Variants in NDUFS7 observed in about 807,000 individuals in gnomAD.
The protein encoded by NDUFS7 is NADH dehydrogenase [ubiquinone] iron-sulfur protein 7, mitochondrial.
A neutral mutation model predicts 31.1 loss-of-function variants in NDUFS7; 11 were observed. The ratio of observed to expected loss-of-function variants is 0.35; its 90% CI spans 0.22 to 0.59. The LOEUF (loss-of-function observed/expected upper bound fraction) is 0.59, where lower values mean the gene tolerates loss of function less well. NDUFS7 is among the 20% of genes least tolerant of loss of function. NDUFS7 has a pLI of 0.79. For missense variants in NDUFS7, 263 were observed against 324.2 expected, an observed-to-expected ratio of 0.81 and a Z score of 1.45; for synonymous variants, 136 against 127.9, an observed-to-expected ratio of 1.06 and a Z score of -0.43.
rs956207076 is a variant in NDUFS7 at position 1,389,151 on chromosome 19, T to TTG, written c.228+213_228+214insTG. 4.3e-6 allele frequency: 3 copies of TTG among 701,406 alleles called. No individual in the cohort carries two copies. In the African/African-American group the frequency reaches 5.3e-5, roughly 12 times the overall value. The allele number at this position is 701,406 out of a possible 1,614,324, so 43.4% of individuals were successfully genotyped here. A position where few individuals can be genotyped will look rare whatever the true frequency, so the allele number is the denominator to read the frequency against. On this transcript the variant is annotated intron_variant, in intron 4 of 7. Coordinates refer to ENST00000233627, the MANE Select transcript of NDUFS7 (RefSeq NM_024407.5). ...ACGCACACAATGCACATATGCACAC[T>TTG]CGCACACATGCACACTTGCACACAC...
At chr19:1,388,673 G>A (rs1490882768) in intron 3 of NDUFS7, 80 bp downstream of exon 3, 1 of 1,496,036 alleles carries the variant, frequency 6.7e-7, no homozygotes, top group Non-Finnish European at 9.2e-7. Context: ...CAGTGCCGCA[G>A]CCACTGAGGT....
In NDUFS7 at chr19:1,387,832, G is replaced by A. The variant is rs373814004; in HGVS notation, c.38G>A (p.Arg13Gln). The A allele has an allele frequency of 2.4e-5, 39 of 1,609,966 alleles. No individual in the cohort carries two copies. Among genetic ancestry groups the A allele is most frequent in the East Asian group, 2.2e-4 (10 of 44,794 alleles). The change falls in exon 2 of 8, where the codon CGG becomes CAG. Residue 13 changes from arginine (R) to glutamine (Q), a missense_variant. Arg to Gln is a conservative substitution (Grantham distance 43). Coordinates refer to ENST00000233627, the MANE Select transcript of NDUFS7 (RefSeq NM_024407.5). ...VLSAPGLRGF[R>Q]ILGLRSSVGP... ...GCAGCTCCTGGCCTGCGCGGCTTCC[G>A]GATCCTTGGTCTGCGGTGAGTGCCT... is the stretch of plus-strand genomic sequence containing the variant.
chr19:1,392,923 A>AC, intron 6 of NDUFS7: 4 of 434,822 alleles, frequency 9.2e-6, no homozygotes, highest in Non-Finnish European at 1.7e-5. Flanking sequence ...GGGTGTTGGC[A>AC]CTGTGGCTGT....
At chr19:1,389,205 GCTTGCACACATA>G (rs1319086033) in intron 4 of NDUFS7, 1 of 682,756 alleles carries the variant, frequency 1.5e-6, no homozygotes, top group Non-Finnish European at 2.7e-6. Context: ...GTGCACACAC[GCTTGCACACATA>G]CACACATGCA....
rs541879727 is a variant in NDUFS7, at chr19:1,393,722, C to A, written c.544+392C>A. 75 of 533,760 alleles carry A rather than the reference C, an allele frequency of 1.4e-4. No individual in the cohort carries two copies. Among genetic ancestry groups the A allele is most frequent in the Non-Finnish European group, 2.5e-4 (74 of 297,756 alleles). 33.1% of individuals were successfully genotyped at this position (533,760 alleles called of 1,614,324 possible). On this transcript the variant is annotated intron_variant, in intron 7 of 7. Transcript: ENST00000233627. The surrounding 1 kb of genome is among the most constrained non-coding windows in gnomAD (Gnocchi z 7.3). ...AAGGGCACGCAGGACTCCCTGGGACCCGGGGTGGCCGGATTTGGCAAATGA... is the reference window on the plus strand; with the variant it reads ...AAGGGCACGCAGGACTCCCTGGGACACGGGGTGGCCGGATTTGGCAAATGA...
In NDUFS7 at chr19:1,388,833, C is replaced by T. The variant is rs1377631808; in HGVS notation, c.123C>T (p.Ser41=). Residue 41 remains serine, a splice_region_variant and synonymous_variant, in exon 4 of 8, where the codon AGC becomes AGT. Transcript: ENST00000233627. ...CTGTGCCCGTGTGTCTCTGTGCCAG[C>T]ACCCAGCCTGCCCTGCCAAAGGCCA... ...HQSVATDGPS[S]TQPALPKARA... The T allele has an allele frequency of 1.3e-6, 2 of 1,591,040 alleles. No homozygotes were observed. The highest frequency in any genetic ancestry group is 2.7e-5 in the African/African-American group (2 of 74,594).
rs780609915 is a variant in NDUFS7 at position 1,393,679 on chromosome 19, G to A, written c.544+349G>A. On this transcript the variant is annotated intron_variant, in intron 7 of 7. Coordinates refer to ENST00000233627, the MANE Select transcript of NDUFS7 (RefSeq NM_024407.5). The surrounding 1 kb of genome is among the most constrained non-coding windows in gnomAD (Gnocchi z 7.3). ...TCCTGGGGGCCAAGGACACTGTCCC[G>A]CGCCCTCAGCCTTACAGAAGGGCAC... 130 of 583,972 alleles carry A rather than the reference G, an allele frequency of 2.2e-4. No homozygotes were observed. Among genetic ancestry groups the A allele is most frequent in the Non-Finnish European group, 3.7e-4 (122 of 326,300 alleles). The allele number at this position is 583,972 out of a possible 1,614,324, so 36.2% of individuals were successfully genotyped here.
At chr19:1,390,698 G>A (rs866916557) in intron 4 of NDUFS7, 173 bp from the exon 5 acceptor site, 10 of 646,650 alleles carry the variant, frequency 1.5e-5, no homozygotes, top group South Asian at 5.5e-5. Context: ...GGTGGGGCGC[G>A]CTTTACAACT....
intron 4 of NDUFS7, 126 bp downstream of exon 4, chr19:1,389,064 CGCACATGTGCATGCAAGCTCACATGT>C: frequency 1.2e-6 from 1 of 836,546 alleles, no homozygotes; most frequent in Non-Finnish European, 2.0e-6. Flanking sequence ...CACTCACATG[CGCACATGTGCATGCAAGCTCACATGT>C]ATGGACAGAT....
intron 7 of NDUFS7, chr19:1,394,256 C>CG: frequency 3.8e-6 from 3 of 795,704 alleles, no homozygotes; most frequent in Non-Finnish European, 5.4e-6. Context: ...CAGGTCACCC[C>CG]GGGGGCAGTG....
At chr19:1,394,803 C>A in intron 7 of NDUFS7, 1 of 1,174,244 alleles carries the variant, frequency 8.5e-7, no homozygotes, top group East Asian at 6.3e-5. Flanking sequence ...TCCTTTCTCA[C>A]CTGTTTCCAC....
Position 1,393,667 on chromosome 19 carries a change from G to T in NDUFS7, c.544+337G>T. ...AAGCGAGAAGGTTCCTGGGGGCCAA[G>T]GACACTGTCCCGCGCCCTCAGCCTT... On this transcript the variant is annotated intron_variant, in intron 7 of 7. Transcript: ENST00000233627. The surrounding 1 kb of genome is among the most constrained non-coding windows in gnomAD (Gnocchi z 7.3). 1.7e-6 allele frequency: 1 copy of T among 592,384 alleles called. No individual in the cohort carries two copies. Among genetic ancestry groups the T allele is most frequent in the East Asian group, 2.8e-5 (1 of 35,768 alleles). 36.7% of individuals were successfully genotyped at this position (592,384 alleles called of 1,614,324 possible).
At position 1,395,417 on chromosome 19, in the gene NDUFS7, C is replaced by T. The variant is rs199666172; in HGVS notation, c.571C>T (p.Leu191Phe). 5.0e-6 allele frequency: 8 copies of T among 1,602,762 alleles called. No homozygotes were observed. Among genetic ancestry groups the T allele is most frequent in the Non-Finnish European group, 6.0e-6 (7 of 1,176,390 alleles). Residue 191 changes from leucine to phenylalanine, a missense_variant, in exon 8 of 8, where the codon CTC becomes TTC. Leu to Phe is a conservative substitution (Grantham distance 22, BLOSUM62 0). Transcript: ENST00000233627. ...CTGCCCACCTACGGCCGAGGCCCTG[C>T]TCTACGGCATCCTGCAGCTGCAGAG... ...PGCPPTAEAL[L>F]YGILQLQRKI...
intron 4 of NDUFS7, chr19:1,389,276 C>G (rs1310259709): frequency 8.3e-6 from 5 of 605,950 alleles, no homozygotes; most frequent in African/African-American, 7.2e-5. Flanking sequence ...TGCACACGCA[C>G]ACTCGCACAC....
chr19:1,394,160 G>A, intron 7 of NDUFS7: 4 of 355,366 alleles, frequency 1.1e-5, no homozygotes, highest in Non-Finnish European at 2.2e-5. Flanking sequence ...ACATCCTGGT[G>A]CCTCTCAAAA....
At chr19:1,390,756 T>G (rs1363331608) in intron 4 of NDUFS7, 115 bp from the exon 5 acceptor site, 6 of 1,260,352 alleles carry the variant, frequency 4.8e-6, no homozygotes, top group Non-Finnish European at 6.7e-6. Flanking sequence ...CTCTCACCTC[T>G]GCCGGCTGCC....
At chr19:1,385,305 C>T (rs1205068848) in intron 1 of NDUFS7, among the ~76,000 whole-genome samples, 2 of 148,096 alleles carry the variant, frequency 1.4e-5, no homozygotes, top group East Asian at 2.0e-4. Context: ...ACCTGAGGTC[C>T]GGAGTTCGAG....
In NDUFS7 at chr19:1,387,794, C is replaced by A. The variant is rs763056833; in HGVS notation, c.17-17C>A. On this transcript the variant is annotated splice_polypyrimidine_tract_variant and intron_variant, in intron 1 of 7. Coordinates refer to ENST00000233627, the MANE Select transcript of NDUFS7 (RefSeq NM_024407.5). ...TGCCCGCAGCTCACTGTTCCCACCC[C>A]GTGGTCCTCTCTGCAGCTCCTGGCC... The A allele has an allele frequency of 6.2e-7, 1 of 1,611,116 alleles. No individual in the cohort carries two copies.
intron 3 of NDUFS7, 44 bp from the exon 4 acceptor site, chr19:1,388,789 C>A (rs916641133): frequency 6.5e-7 from 1 of 1,547,964 alleles, no homozygotes; most frequent in Non-Finnish European, 8.8e-7. Context: ...CTGGGAAGCA[C>A]CTGCGTGGCT....
Sources: allele counts gnomAD v4.1 joint callset (sites outside exome capture counted in the v4.1 genomes callset), GRCh38; gene constraint gnomAD v4.1.1; non-coding constraint Gnocchi (gnomAD v3.1); transcripts MANE v1.5; gene names NCBI Gene and HGNC (gene_info 2026-07-23, HGNC 2026-07-21).